The following PCDHGA4 variants were observed in gnomAD, a reference collection of about 807,000 sequenced individuals.
The protein encoded by PCDHGA4 is protocadherin gamma-A4.
A neutral mutation model predicts 54.6 loss-of-function variants in PCDHGA4; 38 were observed. That is an observed-to-expected ratio of 0.70 (90% CI 0.54 to 0.91). PCDHGA4 has a LOEUF of 0.91. Ranked by LOEUF, PCDHGA4 falls within the 40% of genes least tolerant of loss-of-function variation. The pLI, the probability that PCDHGA4 is intolerant of heterozygous loss-of-function variation, is 0.00. For missense variants in PCDHGA4, 1,298 were observed against 1,220.9 expected, an observed-to-expected ratio of 1.06 and a Z score of -0.94; for synonymous variants, 511 against 512.9, an observed-to-expected ratio of 1.00 and a Z score of 0.05.
intron 1 of PCDHGA4, among the ~76,000 whole-genome samples, chr5:141,480,339 T>A (rs764049837): frequency 1.3e-4 from 20 of 152,010 alleles, no homozygotes; most frequent in Non-Finnish European, 2.4e-4. Context: ...TGCTTGAGCC[T>A]GGGAGGTTGA....
At position 141,479,006 on chromosome 5, in the gene PCDHGA4, T is replaced by C. The variant is rs148063283; in HGVS notation, c.2515-15801T>C. On this transcript the variant is annotated intron_variant, in intron 1 of 3. Transcript: ENST00000571252. ...ACATTTGTATTAAAACTAATAGCTT[T>C]TTGATAATTTTCCTTTGTTTATACA... Among the ~76,000 whole-genome samples the C allele has an allele frequency of 1.2e-3, 179 of 152,340 alleles. 2 individuals are homozygous for C. The highest frequency in any genetic ancestry group is 0.011 in the Admixed American group (170 of 15,300).
intron 1 of PCDHGA4, chr5:141,421,226 C>A (rs368125665): frequency 3.7e-5 from 58 of 1,584,718 alleles, no homozygotes; most frequent in Non-Finnish European, 4.6e-5. Context: ...TTAGAGCCTG[C>A]CATGGCGAAT....
rs1158003183 is a variant in PCDHGA4, at chr5:141,397,388, G to A, written c.2514+39767G>A. Among the ~76,000 whole-genome samples the A allele has an allele frequency of 3.9e-5, 6 of 152,232 alleles. No individual in the cohort carries two copies. In the East Asian group the frequency reaches 1.2e-3, roughly 29 times the overall value. Reference sequence around the variant, plus strand: ...GATGTTTGGGGATTGGTATAAAATTGCCACAACTTTACAAAATAGTTTTAA... The same window carrying A: ...GATGTTTGGGGATTGGTATAAAATTACCACAACTTTACAAAATAGTTTTAA... On this transcript the variant is annotated intron_variant, in intron 1 of 3. Transcript: ENST00000571252.
At chr5:141,385,027 G>T (rs1487991378) in intron 1 of PCDHGA4, 3 of 1,614,036 alleles carry the variant, frequency 1.9e-6, no homozygotes, top group East Asian at 2.2e-5. Context: ...CTTCGTCCTC[G>T]TACTGCTGGC....
At chr5:141,361,081 A>T (rs1273300607) in intron 1 of PCDHGA4, 5 of 1,613,948 alleles carry the variant, frequency 3.1e-6, no homozygotes, top group Non-Finnish European at 4.2e-6. Flanking sequence ...AAGTAGTTAC[A>T]CTCTGAGTAT....
intron 1 of PCDHGA4, among the ~76,000 whole-genome samples, chr5:141,438,771 C>T (rs1056879944): frequency 1.3e-5 from 2 of 149,126 alleles, no homozygotes; most frequent in Non-Finnish European, 3.0e-5. Flanking sequence ...AAGCGATTCT[C>T]CTGCCTCAGC....
chr5:141,419,007 GGT>G (rs1181124538), intron 1 of PCDHGA4: 1 of 1,613,978 alleles, frequency 6.2e-7, no homozygotes, highest in South Asian at 1.1e-5. Flanking sequence ...GGGGAAGTCA[GGT>G]GTAGCTTAAG....
At chr5:141,404,110 C>G (rs1283800962) in intron 1 of PCDHGA4, 1 of 1,613,336 alleles carries the variant, frequency 6.2e-7, no homozygotes, top group South Asian at 1.1e-5. Context: ...TCTGTTCTAT[C>G]CAGGAGAATC....
Position 141,431,724 on chromosome 5 carries a change from T to C in PCDHGA4, c.2515-63083T>C, listed in dbSNP as rs758754345. The C allele has an allele frequency of 6.2e-7, 1 of 1,614,036 alleles. No individual in the cohort carries two copies. Among genetic ancestry groups the C allele is most frequent in the Non-Finnish European group, 8.5e-7 (1 of 1,180,036 alleles). On this transcript the variant is annotated intron_variant, in intron 1 of 3. Coordinates refer to ENST00000571252, the MANE Select transcript of PCDHGA4 (RefSeq NM_018917.4). This position sits in a 1 kb window ranked among gnomAD's most constrained non-coding sequence, Gnocchi z 4.8. The stretch of plus-strand genomic sequence containing the variant: ...TTCTACCAGATGGAAGTGCAAGCAA[T>C]GGATAATGCAGGATATTCTGCGCGA...
At chr5:141,469,362 G>GT (rs1212141268) in intron 1 of PCDHGA4, among the ~76,000 whole-genome samples, 4 of 152,084 alleles carry the variant, frequency 2.6e-5, no homozygotes, top group Non-Finnish European at 5.9e-5. Flanking sequence ...GGATCATGAG[G>GT]TAAAGAGATC....
chr5:141,389,875 A>G (rs753159908), intron 1 of PCDHGA4: 2 of 1,613,946 alleles, frequency 1.2e-6, no homozygotes, highest in African/African-American at 2.7e-5. Flanking sequence ...GTCTTCGCCG[A>G]CAGCTTGCAG....
intron 1 of PCDHGA4, chr5:141,373,964 C>A: frequency 1.0e-6 from 1 of 955,768 alleles, no homozygotes; most frequent in Non-Finnish European, 1.5e-6. Flanking sequence ...TGACCTGAAA[C>A]GCTTCGCATC....
rs2097527384 is a variant in PCDHGA4 at position 141,432,674 on chromosome 5, A to G, written c.2515-62133A>G. 2 of 1,613,856 alleles carry G rather than the reference A, an allele frequency of 1.2e-6. No homozygotes were observed. The highest frequency in any genetic ancestry group is 4.5e-5 in the East Asian group (2 of 44,840). On this transcript the variant is annotated intron_variant, in intron 1 of 3. Coordinates refer to ENST00000571252, the MANE Select transcript of PCDHGA4 (RefSeq NM_018917.4). The surrounding 1 kb of genome is among the most constrained non-coding windows in gnomAD (Gnocchi z 6.0). ...AGCCCTGCTGGACAGAGACGCGCTCAAGCAGAGCCTCGTAGTGGCCGTCCA... is the reference window on the plus strand; with the variant it reads ...AGCCCTGCTGGACAGAGACGCGCTCGAGCAGAGCCTCGTAGTGGCCGTCCA...
rs1257565821 is a variant in PCDHGA4, at chr5:141,487,319, C to G, written c.2515-7488C>G. ...ATTCGTGGCACTACTCTCTAAGTGTCTTCGTGGGGCAGCCTGTGGAGTCAC... is the reference window on the plus strand; with the variant it reads ...ATTCGTGGCACTACTCTCTAAGTGTGTTCGTGGGGCAGCCTGTGGAGTCAC... On this transcript the variant is annotated intron_variant, in intron 1 of 3. Transcript: ENST00000571252. The surrounding 1 kb of genome is among the most constrained non-coding windows in gnomAD (Gnocchi z 5.0). The G allele has an allele frequency of 6.2e-7, 1 of 1,614,052 alleles. No homozygotes were observed. The highest frequency in any genetic ancestry group is 1.3e-5 in the African/African-American group (1 of 74,930).
rs1241061038 is a variant in PCDHGA4 at position 141,394,846 on chromosome 5, T to C, written c.2514+37225T>C. ...GAAGTCCTGACCGAGTTGGGCAGTC[T>C]GAAGCCTTCGGTCGACCCGAACGAT... On this transcript the variant is annotated intron_variant, in intron 1 of 3. Coordinates refer to ENST00000571252, the MANE Select transcript of PCDHGA4 (RefSeq NM_018917.4). The C allele has an allele frequency of 1.9e-6, 3 of 1,613,732 alleles. No homozygotes were observed. In the African/African-American group the frequency reaches 4.0e-5, roughly 22 times the overall value.
At chr5:141,456,821 A>G (rs1432134342) in intron 1 of PCDHGA4, among the ~76,000 whole-genome samples, 2 of 151,744 alleles carry the variant, frequency 1.3e-5, no homozygotes, top group Admixed American at 6.6e-5. Context: ...AAAATTAGCC[A>G]TCGTGGTAGT....
rs11343387 is a variant in PCDHGA4 at position 141,497,209 on chromosome 5, TGG to T, written c.2573+2352_2573+2353del. On this transcript the variant is annotated intron_variant, in intron 2 of 3. Transcript: ENST00000571252. ...GAGGCAGAGAACAATGTGAGTGTAATGGGGGGGGGAAGATCAGAGAAGGCTTC... is the reference window on the plus strand; with the variant it reads ...GAGGCAGAGAACAATGTGAGTGTAATGGGGGGGAAGATCAGAGAAGGCTTC... Among the ~76,000 whole-genome samples the T allele has an allele frequency of 3.8e-3, 569 of 151,352 alleles. 5 individuals are homozygous for T. Among genetic ancestry groups the T allele is most frequent in the Admixed American group, 0.011 (162 of 15,190 alleles).
intron 1 of PCDHGA4, among the ~76,000 whole-genome samples, chr5:141,467,591 T>C (rs765816743): frequency 3.3e-5 from 5 of 152,360 alleles, no homozygotes; most frequent in South Asian, 4.1e-4. Flanking sequence ...ATGCCATTTA[T>C]TAAGCACTTC....
rs2097536640 is a variant in PCDHGA4 at position 141,432,779 on chromosome 5, G to C, written c.2515-62028G>C. 3 of 1,614,170 alleles carry C rather than the reference G, an allele frequency of 1.9e-6. No individual in the cohort carries two copies. The highest frequency in any genetic ancestry group is 2.5e-6 in the Non-Finnish European group (3 of 1,180,002). On this transcript the variant is annotated intron_variant, in intron 1 of 3. Coordinates refer to ENST00000571252, the MANE Select transcript of PCDHGA4 (RefSeq NM_018917.4). The surrounding 1 kb of genome is among the most constrained non-coding windows in gnomAD (Gnocchi z 6.0). Reference sequence around the variant, plus strand: ...CGACAGCATCCCCCAAGTCCTGGCGGACCTCGGCAGCCTCGAGTCTCCAGC... The same window carrying C: ...CGACAGCATCCCCCAAGTCCTGGCGCACCTCGGCAGCCTCGAGTCTCCAGC...
Sources: allele counts gnomAD v4.1 joint callset (sites outside exome capture counted in the v4.1 genomes callset), GRCh38; gene constraint gnomAD v4.1.1; non-coding constraint Gnocchi (gnomAD v3.1); transcripts MANE v1.5; gene names NCBI Gene and HGNC (gene_info 2026-07-23, HGNC 2026-07-21).